The following CBFA2T3 variants were observed in gnomAD, a reference collection of about 807,000 sequenced individuals.
CBFA2T3 encodes the protein transcriptional corepressor CBFA2T3.
CBFA2T3 carries 31 observed loss-of-function variants against 58.6 expected under a neutral mutation model. The ratio of observed to expected loss-of-function variants is 0.53; its 90% CI spans 0.40 to 0.71. The LOEUF (loss-of-function observed/expected upper bound fraction) is 0.71, where lower values mean the gene tolerates loss of function less well. CBFA2T3 is among the 30% of genes least tolerant of loss of function. The pLI is 0.00. For synonymous variants in CBFA2T3, 531 were observed against 421.9 expected, an observed-to-expected ratio of 1.26 and a Z score of -3.17; for missense variants, 1,076 against 963.1, an observed-to-expected ratio of 1.12 and a Z score of -1.55.
chr16:88,932,321 G>A (rs948274846), intron 1 of CBFA2T3, among the ~76,000 whole-genome samples: 1 of 151,522 alleles, frequency 6.6e-6, no homozygotes, highest in East Asian at 1.9e-4. Context: ...CCGCCCTGGC[G>A]CTGGACTCAA....
chr16:88,918,858 G>C (rs1019992610), intron 1 of CBFA2T3, among the ~76,000 whole-genome samples: 2 of 152,196 alleles, frequency 1.3e-5, no homozygotes, highest in African/African-American at 4.8e-5. Context: ...AGGCTCGCCG[G>C]GTTATCAGTG....
intron 1 of CBFA2T3, among the ~76,000 whole-genome samples, chr16:88,910,736 TC>T (rs1970504454): frequency 6.6e-6 from 1 of 152,124 alleles, no homozygotes; most frequent in South Asian, 2.1e-4. Flanking sequence ...CCTGAGAAGG[TC>T]TTTGACCAGC....
chr16:88,882,320 G>A (rs1369619342), intron 8 of CBFA2T3, among the ~76,000 whole-genome samples: 1 of 152,192 alleles, frequency 6.6e-6, no homozygotes, highest in Non-Finnish European at 1.5e-5. Flanking sequence ...GGCTGTGTGG[G>A]TGTAGCTGTG....
At chr16:88,884,672 C>CA in intron 7 of CBFA2T3, 1 of 201,762 alleles carries the variant, frequency 5.0e-6, no homozygotes, top group East Asian at 1.1e-4. Flanking sequence ...TTAACTCCCC[C>CA]AGGCCTTGGA....
chr16:88,885,885 C>T lies in CBFA2T3; in HGVS notation c.893+76G>A. Reference sequence around the variant, plus strand: ...GCTGCAGCCCCAGAGGAGGTTCCCTCTCTTACCCAGAGGGGAGCAGGGTGA... The same window carrying T: ...GCTGCAGCCCCAGAGGAGGTTCCCTTTCTTACCCAGAGGGGAGCAGGGTGA... On this transcript the variant is annotated intron_variant, in intron 6 of 11. Coordinates refer to ENST00000268679, the MANE Select transcript of CBFA2T3 (RefSeq NM_005187.6). This position sits in a 1 kb window ranked among gnomAD's most constrained non-coding sequence, Gnocchi z 5.3. The T allele has an allele frequency of 7.4e-7, 1 of 1,354,782 alleles. No homozygotes were observed. Among genetic ancestry groups the T allele is most frequent in the Non-Finnish European group, 1.0e-6 (1 of 987,538 alleles). 83.9% of individuals were successfully genotyped at this position (1,354,782 alleles called of 1,614,324 possible).
At chr16:88,894,821 C>A (rs551897342) in intron 3 of CBFA2T3, among the ~76,000 whole-genome samples, 1 of 152,258 alleles carries the variant, frequency 6.6e-6, no homozygotes, top group Admixed American at 6.5e-5. Flanking sequence ...TGAGACCTGG[C>A]GGGGCCTGTG....
chr16:88,952,690 T>C (rs1423858572), intron 1 of CBFA2T3, among the ~76,000 whole-genome samples: 1 of 152,170 alleles, frequency 6.6e-6, no homozygotes, highest in East Asian at 1.9e-4. Context: ...CCCTGCTGAG[T>C]GGCCATTCCT....
intron 1 of CBFA2T3, among the ~76,000 whole-genome samples, chr16:88,909,760 C>T (rs772484549): frequency 1.5e-4 from 23 of 152,210 alleles, no homozygotes; most frequent in Admixed American, 9.2e-4. Flanking sequence ...CCCGCACCCA[C>T]GCTGCCCCTG....
Position 88,880,755 on chromosome 16 carries a change from G to A in CBFA2T3, c.1436C>T (p.Thr479Ile). Residue 479 changes from threonine (T) to isoleucine (I), a missense_variant, in exon 10 of 12, where the codon ACC (threonine) becomes ATC (isoleucine). Transcript: ENST00000268679. ...VPREFLPRTL[T>I]GYVPEDIWRK... ...CCAGATGTCCTCAGGCACGTAGCCG[G>A]TGAGGGTCCTCGGCAGGAACTCGCG... The A allele has an allele frequency of 6.3e-7, 1 of 1,583,346 alleles. No individual in the cohort carries two copies. The highest frequency in any genetic ancestry group is 8.6e-7 in the Non-Finnish European group (1 of 1,164,336).
intron 3 of CBFA2T3, among the ~76,000 whole-genome samples, chr16:88,897,688 A>T (rs564389010): frequency 3.9e-5 from 6 of 152,362 alleles, no homozygotes; most frequent in African/African-American, 1.2e-4. Flanking sequence ...GAACAGTTGC[A>T]GCTGGGACTC....
chr16:88,905,224 A>C (rs1294070154), intron 1 of CBFA2T3, among the ~76,000 whole-genome samples: 2 of 151,978 alleles, frequency 1.3e-5, no homozygotes, highest in African/African-American at 4.8e-5. Context: ...TCTCCTGCTT[A>C]ATACCCTTCA....
chr16:88,916,189 GGT>G lies in CBFA2T3; in HGVS notation c.152-14535_152-14534del, dbSNP rs550076528. ...ATGCGTGTATTCATGTGTGCGCATG[GGT>G]GTGTGTCCGTGTACATGCACTTACA... On this transcript the variant is annotated intron_variant, in intron 1 of 11. Transcript: ENST00000268679. Among the ~76,000 whole-genome samples, 550 of 145,292 alleles carry G rather than the reference GGT, an allele frequency of 3.8e-3. 1 individual carries two copies. The highest frequency in any genetic ancestry group is 0.013 in the African/African-American group (519 of 40,294).
chr16:88,942,232 C>T (rs1321050417), intron 1 of CBFA2T3, among the ~76,000 whole-genome samples: 4 of 152,180 alleles, frequency 2.6e-5, no homozygotes, highest in Non-Finnish European at 4.4e-5. Context: ...GTGTCTGGCG[C>T]ATTTGCCTGC....
At chr16:88,922,126 T>C (rs1597730161) in intron 1 of CBFA2T3, among the ~76,000 whole-genome samples, 1 of 152,348 alleles carries the variant, frequency 6.6e-6, no homozygotes, top group East Asian at 1.9e-4. Flanking sequence ...TGGCTGAGGC[T>C]GGCCTGCGCC....
chr16:88,907,525 G>A (rs1193472807), intron 1 of CBFA2T3, among the ~76,000 whole-genome samples: 2 of 151,212 alleles, frequency 1.3e-5, no homozygotes, highest in Non-Finnish European at 2.9e-5. Context: ...GGATTCTTCC[G>A]CGGCCCTGAG....
In CBFA2T3 at chr16:88,885,252, G is replaced by C. The variant is rs775449176; in HGVS notation, c.911C>G (p.Ser304Ter). The C allele has an allele frequency of 6.4e-7, 1 of 1,559,002 alleles. No individual in the cohort carries two copies. The highest frequency in any genetic ancestry group is 1.2e-5 in the South Asian group (1 of 84,116). The stretch of plus-strand genomic sequence containing the variant: ...CTCGGGGTGCAGCGGGTCGCGGTCT[G>C]ACCCGTTCTCTTTGGTCCTAGCCCC... ...RTPDRTKENG[S>*]DRDPLHPEHL... The change falls in exon 7 of 12, where the codon TCA becomes TGA. Residue 304 changes from serine (S) to a stop codon, truncating the protein, a stop_gained. Transcript: ENST00000268679. LOFTEE classifies it high-confidence loss of function. This position sits in a 1 kb window ranked among gnomAD's most constrained non-coding sequence, Gnocchi z 5.3.
rs1877803281 is a variant in CBFA2T3, at chr16:88,901,534, T to G, written c.274A>C (p.Thr92Pro). The change falls in exon 2 of 12, where the codon ACA (threonine) becomes CCA (proline). Residue 92 changes from threonine to proline, a missense_variant. Transcript: ENST00000268679. ...TGTGGCGTGAAGGAGGGGGGGCGTG[T>G]GGCCCCCTGGGATGCGGCAGGCGGT... ...PPPPAASQGATRPPSFTPHTH... is the reference protein window; with the variant it reads ...PPPPAASQGAPRPPSFTPHTH... 1 of 1,466,702 alleles carries G rather than the reference T, an allele frequency of 6.8e-7. No individual in the cohort carries two copies. Among genetic ancestry groups the G allele is most frequent in the African/African-American group, 1.5e-5 (1 of 66,900 alleles). 90.9% of individuals were successfully genotyped at this position (1,466,702 alleles called of 1,614,324 possible).
chr16:88,920,579 C>T (rs1970879310), intron 1 of CBFA2T3, among the ~76,000 whole-genome samples: 1 of 152,200 alleles, frequency 6.6e-6, no homozygotes, highest in African/African-American at 2.4e-5. Flanking sequence ...GCCACCACCC[C>T]TGGCCAGGAA....
At chr16:88,904,696 G>A (rs1315753644) in intron 1 of CBFA2T3, among the ~76,000 whole-genome samples, 3 of 151,032 alleles carry the variant, frequency 2.0e-5, no homozygotes, top group Admixed American at 1.3e-4. Context: ...AGCTGTGCAG[G>A]AGATGGGACC....
Sources: allele counts gnomAD v4.1 joint callset (sites outside exome capture counted in the v4.1 genomes callset), GRCh38; gene constraint gnomAD v4.1.1; non-coding constraint Gnocchi (gnomAD v3.1); transcripts MANE v1.5; gene names NCBI Gene and HGNC (gene_info 2026-07-23, HGNC 2026-07-21).